SENP5: variants seen among roughly 807,000 people sequenced by gnomAD.
SENP5 encodes sentrin-specific protease 5.
In SENP5, 21 loss-of-function variants were observed where a neutral mutation model predicts 74.2. The observed-to-expected ratio is 0.28, with a 90% CI of 0.20 to 0.41. The LOEUF (loss-of-function observed/expected upper bound fraction) is 0.41, where lower values mean the gene tolerates loss of function less well. Among genes scored for constraint, SENP5 ranks in the 10% least tolerant of loss-of-function variants. The pLI is 1.00. For synonymous variants in SENP5, 311 were observed against 312.7 expected (o/e 0.99, Z 0.06); for missense variants, 717 against 889.1 (o/e 0.81, Z 2.46).
intron 2 of SENP5, among the ~76,000 whole-genome samples, chr3:196,896,371 C>T (rs752030027): frequency 7.9e-5 from 12 of 152,178 alleles, no homozygotes; most frequent in Non-Finnish European, 1.0e-4. Context: ...CAATCAGGAT[C>T]TTAGTTCTAC....
chr3:196,877,820 T>C (rs1713548654), intron 1 of SENP5, among the ~76,000 whole-genome samples: 1 of 152,214 alleles, frequency 6.6e-6, no homozygotes, highest in Non-Finnish European at 1.5e-5. Context: ...ATCCTAAACT[T>C]TTGATAGTTT....
At chr3:196,912,996 G>A (rs1428146318) in intron 6 of SENP5, 1 of 152,220 alleles carries the variant, frequency 6.6e-6, no homozygotes, top group Non-Finnish European at 1.5e-5. Context: ...AGCAAATTGT[G>A]TAATTATCAG....
At chr3:196,914,586 A>AAAAAAAAAAAATATATATAT in intron 6 of SENP5, 21 of 33,470 alleles carry the variant, frequency 6.3e-4, no homozygotes, top group African/African-American at 1.1e-3. Flanking sequence ...AAAAAAAAAA[A>AAAAAAAAAAAATATATATAT]ATATATATAT....
chr3:196,927,693 T>C, intron 7 of SENP5, 103 bp from the exon 8 acceptor site: 1 of 652,614 alleles, frequency 1.5e-6, no homozygotes, highest in South Asian at 1.9e-5. Context: ...TGCCCAGTTA[T>C]GGGGCCACAG....
At chr3:196,918,910 A>G (rs1715497278) in intron 6 of SENP5, among the ~76,000 whole-genome samples, 1 of 152,222 alleles carries the variant, frequency 6.6e-6, no homozygotes, top group African/African-American at 2.4e-5. Flanking sequence ...GATAAAAATT[A>G]TTAAAAAGAG....
intron 1 of SENP5, among the ~76,000 whole-genome samples, chr3:196,870,091 G>T (rs1379175955): frequency 6.6e-6 from 1 of 152,134 alleles, no homozygotes; most frequent in Non-Finnish European, 1.5e-5. Flanking sequence ...TCTGATTGAA[G>T]TAGATCACCT....
intron 1 of SENP5, among the ~76,000 whole-genome samples, chr3:196,869,105 C>T (rs1422101484): frequency 6.6e-6 from 1 of 151,182 alleles, no homozygotes; most frequent in Non-Finnish European, 1.5e-5. Context: ...GATCTTTACT[C>T]AAGATAGCTT....
chr3:196,911,868 C>A (rs1039058064), intron 6 of SENP5, among the ~76,000 whole-genome samples: 9 of 151,914 alleles, frequency 5.9e-5, no homozygotes, highest in African/African-American at 2.2e-4. Context: ...CAAATCAAAA[C>A]CACAATGAGA....
At position 196,886,204 on chromosome 3, in the gene SENP5, CGAAGCATTCCCT is replaced by C. The variant is rs1360488327; in HGVS notation, c.1026_1037del (p.Glu342_Pro345del). On this transcript the variant is annotated inframe_deletion, in exon 2 of 10. Coordinates refer to ENST00000323460, the MANE Select transcript of SENP5 (RefSeq NM_152699.5). Reference sequence around the variant, plus strand: ...TCTTGGGCAAGGAGCTTAGTTTAGACGAAGCATTCCCTGACCAACAGAATGGCAGTGCCACAA... The same window carrying C: ...TCTTGGGCAAGGAGCTTAGTTTAGACGACCAACAGAATGGCAGTGCCACAA... 1 of 1,613,890 alleles carries C rather than the reference CGAAGCATTCCCT, an allele frequency of 6.2e-7. No individual in the cohort carries two copies. The highest frequency in any genetic ancestry group is 1.3e-5 in the African/African-American group (1 of 74,860).
intron 6 of SENP5, among the ~76,000 whole-genome samples, chr3:196,916,247 A>C (rs1715368572): frequency 6.6e-6 from 1 of 152,018 alleles, no homozygotes; most frequent in Admixed American, 6.5e-5. Context: ...GAATTGCTTA[A>C]ACTTGAGAGG....
rs1216709866 is a variant in SENP5, at chr3:196,885,742, G to A, written c.561G>A (p.Leu187=). 6.2e-7 allele frequency: 1 copy of A among 1,614,220 alleles called. No individual in the cohort carries two copies. ...AGAGTGGCACGATTGTGGTCACCTT[G>A]AACAACCATAAGAGAAAGGGCTTTT... ...PGESGTIVVT[L]NNHKRKGFCY... The change falls in exon 2 of 10, where the codon TTG becomes TTA. Residue 187 remains leucine, a synonymous_variant. Coordinates refer to ENST00000323460, the MANE Select transcript of SENP5 (RefSeq NM_152699.5).
At chr3:196,922,360 T>C (rs774542540) in intron 6 of SENP5, among the ~76,000 whole-genome samples, 3 of 152,206 alleles carry the variant, frequency 2.0e-5, no homozygotes, top group Non-Finnish European at 4.4e-5. Flanking sequence ...TCAGAGCCCA[T>C]GATCTTAACT....
At position 196,886,389 on chromosome 3, in the gene SENP5, C is replaced by T. The variant is rs764462071; in HGVS notation, c.1208C>T (p.Thr403Ile). ...EIMTLGQENQ[T>I]SSVSDDRVKL... ...ATGACTCTGGGTCAGGAAAATCAGACAAGTTCTGTCAGTGATGACAGAGTA... is the reference window on the plus strand; with the variant it reads ...ATGACTCTGGGTCAGGAAAATCAGATAAGTTCTGTCAGTGATGACAGAGTA... Residue 403 changes from threonine to isoleucine, a missense_variant, in exon 2 of 10, where the codon ACA becomes ATA. By Grantham distance (89) the Thr-to-Ile change is moderately conservative (BLOSUM62 -1). Around this residue, in one of 4 missense-constraint regions of SENP5, gnomAD observed 567 missense variants for 577.4 expected, o/e 0.98. Transcript: ENST00000323460. The T allele has an allele frequency of 6.2e-6, 10 of 1,612,470 alleles. No homozygotes were observed. Among genetic ancestry groups the T allele is most frequent in the Middle Eastern group, 1.6e-4 (1 of 6,076 alleles).
intron 2 of SENP5, 29 bp from the exon 3 acceptor site, chr3:196,899,637 C>A: frequency 6.9e-7 from 1 of 1,443,006 alleles, no homozygotes; most frequent in Non-Finnish European, 9.7e-7. Context: ...GTTTTTCCAT[C>A]TTAACTTTTC....
chr3:196,909,496 G>A (rs1486598066), intron 6 of SENP5, among the ~76,000 whole-genome samples: 1 of 152,146 alleles, frequency 6.6e-6, no homozygotes, highest in African/African-American at 2.4e-5. Flanking sequence ...ATGAACATCG[G>A]TGCGAAAAAT....
chr3:196,886,176 C>G lies in SENP5; in HGVS notation c.995C>G (p.Ser332Cys). 1 of 1,614,232 alleles carries G rather than the reference C, an allele frequency of 6.2e-7. No individual in the cohort carries two copies. ...HVPDCHTKGSSFLGKELSLDE... is the reference protein window; with the variant it reads ...HVPDCHTKGSCFLGKELSLDE... ...CCTGATTGCCACACTAAAGGAAGCT[C>G]TTTCTTGGGCAAGGAGCTTAGTTTA... The change falls in exon 2 of 10, where the codon TCT (serine) becomes TGT (cysteine). Residue 332 changes from serine (S) to cysteine (C), a missense_variant. Ser to Cys is a moderately radical substitution (Grantham distance 112, BLOSUM62 -1). This residue lies in a region of SENP5 where 567 missense variants were observed against 577.4 expected (regional missense o/e 0.98). Transcript: ENST00000323460.
Position 196,922,486 on chromosome 3 carries a change from G to A in SENP5, c.1885-928G>A, listed in dbSNP as rs573211993. ...AGATGCAGTTTCAGGGTCTCACTCC[G>A]TCGCCCAGGCTGGAATGCAGAGGTG... On this transcript the variant is annotated intron_variant, in intron 6 of 9. Coordinates refer to ENST00000323460, the MANE Select transcript of SENP5 (RefSeq NM_152699.5). Among the ~76,000 whole-genome samples the A allele has an allele frequency of 2.0e-4, 30 of 151,952 alleles. 1 individual carries two copies. The highest frequency in any genetic ancestry group is 9.8e-4 in the Admixed American group (15 of 15,232).
intron 6 of SENP5, among the ~76,000 whole-genome samples, chr3:196,919,885 A>G (rs564975074): frequency 4.1e-4 from 63 of 152,030 alleles, no homozygotes; most frequent in African/African-American, 1.5e-3. Flanking sequence ...TAGAAAGTCA[A>G]CTGATCATAT....
chr3:196,927,464 G>A (rs1421040730), intron 7 of SENP5, among the ~76,000 whole-genome samples: 5 of 152,064 alleles, frequency 3.3e-5, no homozygotes, highest in Non-Finnish European at 7.4e-5. Flanking sequence ...ATGAAATGAA[G>A]AGTCTGAAAT....
Sources: allele counts gnomAD v4.1 joint callset (sites outside exome capture counted in the v4.1 genomes callset), GRCh38; gene constraint gnomAD v4.1.1; regional missense constraint gnomAD v4.1.1; transcripts MANE v1.5; gene names NCBI Gene and HGNC (gene_info 2026-07-23, HGNC 2026-07-21).